The following KIF24 variants were observed in gnomAD, a reference collection of about 807,000 sequenced individuals.
KIF24 encodes the protein kinesin-like protein KIF24.
Under a neutral mutation model 118.9 loss-of-function variants are expected in KIF24, and 81 were observed. The observed-to-expected ratio is 0.68, with a 90% CI of 0.57 to 0.82. KIF24 has a LOEUF of 0.82. Ranked by LOEUF, KIF24 falls within the 40% of genes least tolerant of loss-of-function variation. The pLI is 0.00. For missense variants in KIF24, 1,560 were observed against 1,661.6 expected, an observed-to-expected ratio of 0.94 and a Z score of 1.06; for synonymous variants, 599 against 610.0, an observed-to-expected ratio of 0.98 and a Z score of 0.27.
chr9:34,318,930 G>A lies in KIF24; in HGVS notation c.-25-7559C>T. 1.9e-6 allele frequency: 3 copies of A among 1,555,604 alleles called. No individual in the cohort carries two copies. The highest frequency in any genetic ancestry group is 2.6e-6 in the Non-Finnish European group (3 of 1,132,924). ...AGTGCGCTGCAGTCCATCCACGAGT[G>A]GGCCGTGCAGACCACCGACGGCAAG... On this transcript the variant is annotated intron_variant, in intron 1 of 12. Transcript: ENST00000402558. This position sits in a 1 kb window ranked among gnomAD's most constrained non-coding sequence, Gnocchi z 4.9.
chr9:34,260,639 G>C (rs1225596761), intron 9 of KIF24, among the ~76,000 whole-genome samples: 1 of 152,114 alleles, frequency 6.6e-6, no homozygotes, highest in East Asian at 1.9e-4. Context: ...TAATTAAAAA[G>C]AAACACATTT....
intron 5 of KIF24, 145 bp downstream of exon 5, chr9:34,290,029 A>T: frequency 1.8e-6 from 1 of 541,906 alleles, no homozygotes; most frequent in Non-Finnish European, 3.3e-6. Context: ...GCTAGAAAAT[A>T]TGTATCTGAT....
Position 34,257,038 on chromosome 9 carries a change from G to A in KIF24, c.2569C>T (p.Leu857=). The A allele has an allele frequency of 1.9e-6, 3 of 1,613,994 alleles. No individual in the cohort carries two copies. Among genetic ancestry groups the A allele is most frequent in the Non-Finnish European group, 2.5e-6 (3 of 1,179,884 alleles). The change falls in exon 11 of 13, where the codon CTG becomes TTG. Residue 857 remains leucine (L), a synonymous_variant. Coordinates refer to ENST00000402558, the MANE Select transcript of KIF24 (RefSeq NM_194313.4). ...GGACCCTGTCCCCACGTCTGGTGCAGGAAGAATGAGTCTTCGCTATTCTCC... is the reference window on the plus strand; with the variant it reads ...GGACCCTGTCCCCACGTCTGGTGCAAGAAGAATGAGTCTTCGCTATTCTCC... The part of the protein sequence containing the change: ...TLENSEDSFF[L]HQTWGQGPEK...
intron 1 of KIF24, among the ~76,000 whole-genome samples, chr9:34,313,824 T>C (rs988576561): frequency 4.7e-5 from 7 of 150,340 alleles, no homozygotes; most frequent in African/African-American, 1.7e-4. Flanking sequence ...CATGGTTCAC[T>C]GCAGCCTCAA....
At chr9:34,278,462 T>C (rs1223176717) in intron 6 of KIF24, among the ~76,000 whole-genome samples, 1 of 151,980 alleles carries the variant, frequency 6.6e-6, no homozygotes, top group Admixed American at 6.6e-5. Context: ...TTGTGTAAAC[T>C]TCTAAAACTT....
In KIF24 at chr9:34,268,101, C is replaced by T. The variant is rs190536422; in HGVS notation, c.1443+1156G>A. ...ATACTTATTGGATAATAAAGAATTA[C>T]TTCTTTAGGTAAGATAATGGCATTA... On this transcript the variant is annotated intron_variant, in intron 8 of 12. Transcript: ENST00000402558. Among the ~76,000 whole-genome samples, 230 of 152,294 alleles carry T rather than the reference C, an allele frequency of 1.5e-3. 1 individual carries two copies. Among genetic ancestry groups the T allele is most frequent in the Middle Eastern group, 0.01 (3 of 294 alleles).
At chr9:34,293,045 T>C (rs1836313558) in intron 4 of KIF24, among the ~76,000 whole-genome samples, 1 of 152,162 alleles carries the variant, frequency 6.6e-6, no homozygotes, top group Non-Finnish European at 1.5e-5. Flanking sequence ...TTCCCTAGAT[T>C]TGGTGCCCTT....
At chr9:34,315,634 A>G (rs1837306287) in intron 1 of KIF24, among the ~76,000 whole-genome samples, 2 of 152,236 alleles carry the variant, frequency 1.3e-5, no homozygotes, top group South Asian at 4.1e-4. Context: ...ATTATTAAAG[A>G]CAAAAGCAGT....
At chr9:34,333,223 T>C (rs1453804996), upstream of KIF24, among the ~76,000 whole-genome samples, 1 of 152,172 alleles carries the variant, frequency 6.6e-6, no homozygotes, top group African/African-American at 2.4e-5. Flanking sequence ...CAGAGTCTTC[T>C]TCGGATACCA....
At chr9:34,262,666 A>T (rs1415276592) in intron 9 of KIF24, among the ~76,000 whole-genome samples, 614 of 53,716 alleles carry the variant, frequency 0.011, 22 homozygotes, top group East Asian at 0.04. Flanking sequence ...AAAAAAAAAA[A>T]AAAAAAAAAA....
At position 34,306,325 on chromosome 9, in the gene KIF24, G is replaced by A; in HGVS notation, c.740C>T (p.Thr247Ile). The A allele has an allele frequency of 6.2e-7, 1 of 1,609,746 alleles. No individual in the cohort carries two copies. Among genetic ancestry groups the A allele is most frequent in the Non-Finnish European group, 8.5e-7 (1 of 1,176,146 alleles). Reference sequence around the variant, plus strand: ...AAGTAGAGTTTCTTTGTCTTCTACAGTAATAATATTAATTTCTCCACGACG... The same window carrying A: ...AAGTAGAGTTTCTTTGTCTTCTACAATAATAATATTAATTTCTCCACGACG... ...EVRRGEINII[T>I]VEDKETLLVH... is the part of the protein sequence containing the mutation. Residue 247 changes from threonine to isoleucine, a missense_variant, in exon 3 of 13, where the codon ACT becomes ATT. Thr to Ile is a moderately conservative substitution (Grantham distance 89, BLOSUM62 -1). Around this residue, in one of 3 missense-constraint regions of KIF24, gnomAD observed 964 missense variants for 988.0 expected, o/e 0.98. Coordinates refer to ENST00000402558, the MANE Select transcript of KIF24 (RefSeq NM_194313.4).
At chr9:34,254,650 G>A (rs1249868877) in intron 12 of KIF24, 130 bp from the exon 13 acceptor site, 1 of 905,116 alleles carries the variant, frequency 1.1e-6, no homozygotes, top group Non-Finnish European at 1.7e-6. Context: ...AGAACATGTA[G>A]GATAGTTGCT....
intron 7 of KIF24, among the ~76,000 whole-genome samples, chr9:34,270,595 C>T (rs536400732): frequency 2.2e-4 from 31 of 138,124 alleles, no homozygotes; most frequent in African/African-American, 7.2e-4. Flanking sequence ...AAGTGTGGAC[C>T]ACCATACCTA....
At chr9:34,290,987 T>A (rs1836235378) in intron 4 of KIF24, among the ~76,000 whole-genome samples, 1 of 152,194 alleles carries the variant, frequency 6.6e-6, no homozygotes. Context: ...AGAAACCACT[T>A]AGCCAATAAG....
intron 3 of KIF24, among the ~76,000 whole-genome samples, chr9:34,300,845 T>C (rs1836672784): frequency 1.1e-5 from 1 of 92,084 alleles, no homozygotes; most frequent in African/African-American, 4.4e-5. Context: ...ATATTCGGCA[T>C]TTCTCAAAAA....
At chr9:34,312,896 G>C (rs1214988464) in intron 1 of KIF24, among the ~76,000 whole-genome samples, 1 of 152,010 alleles carries the variant, frequency 6.6e-6, no homozygotes, top group Non-Finnish European at 1.5e-5. Flanking sequence ...AAGGAGTTTC[G>C]CCATGTTGGC....
At chr9:34,319,980 C>T (rs1056712083) in intron 1 of KIF24, among the ~76,000 whole-genome samples, 5 of 152,190 alleles carry the variant, frequency 3.3e-5, no homozygotes, top group African/African-American at 1.2e-4. Context: ...TACCTTCTCA[C>T]CTGTGAGACC....
chr9:34,319,093 T>C, intron 1 of KIF24: 2 of 1,347,286 alleles, frequency 1.5e-6, no homozygotes, highest in Non-Finnish European at 1.1e-6. Context: ...CTCGGTTCTA[T>C]ACCGTGGGTG....
chr9:34,309,670 T>A (rs1837064542), intron 2 of KIF24, among the ~76,000 whole-genome samples: 1 of 152,154 alleles, frequency 6.6e-6, no homozygotes, highest in South Asian at 2.1e-4. Context: ...AAAACAGTAT[T>A]ACATGCTCTG....
Sources: gnomAD v4.1 joint callset for allele counts (sites outside exome capture counted in the v4.1 genomes callset) on GRCh38, gnomAD v4.1.1 for gene constraint, gnomAD v4.1.1 regional missense constraint, Gnocchi (gnomAD v3.1) non-coding constraint, MANE v1.5 for transcripts, NCBI Gene and HGNC (gene_info 2026-07-23, HGNC 2026-07-21) for gene names.